The following PPP3CA variants were observed in gnomAD, a reference collection of about 807,000 sequenced individuals.
PPP3CA encodes protein phosphatase 3 catalytic subunit alpha.
PPP3CA carries 14 observed loss-of-function variants against 66.5 expected under a neutral mutation model. That is an observed-to-expected ratio of 0.21 (90% confidence interval 0.14 to 0.33). The LOEUF (loss-of-function observed/expected upper bound fraction) is 0.33, where lower values mean the gene tolerates loss of function less well. Among genes scored for constraint, PPP3CA ranks in the 10% least tolerant of loss-of-function variants. The pLI, the probability that PPP3CA is intolerant of heterozygous loss-of-function variation, is 1.00. For synonymous variants in PPP3CA, 232 were observed against 226.2 expected, an observed-to-expected ratio of 1.03 and a Z score of -0.23; for missense variants, 317 against 639.5, an observed-to-expected ratio of 0.50 and a Z score of 5.44.
intron 1 of PPP3CA, among the ~76,000 whole-genome samples, chr4:101,284,756 C>T (rs1727784478): frequency 6.6e-6 from 1 of 151,724 alleles, no homozygotes; most frequent in African/African-American, 2.4e-5. Flanking sequence ...GCACAGAAAA[C>T]ATTCTGTACT....
intron 1 of PPP3CA, among the ~76,000 whole-genome samples, chr4:101,307,973 A>G (rs1056680260): frequency 2.0e-5 from 3 of 152,238 alleles, no homozygotes; most frequent in Non-Finnish European, 4.4e-5. Context: ...GTTACCCGAA[A>G]TAATTAGTGA....
intron 1 of PPP3CA, among the ~76,000 whole-genome samples, chr4:101,344,391 CAAT>C (rs1276365779): frequency 6.6e-6 from 1 of 151,888 alleles, no homozygotes; most frequent in African/African-American, 2.4e-5. Context: ...CCTTTCATGC[CAAT>C]AATATTCTAC....
intron 1 of PPP3CA, among the ~76,000 whole-genome samples, chr4:101,200,019 T>C (rs1412284001): frequency 2.2e-5 from 3 of 136,974 alleles, no homozygotes; most frequent in Non-Finnish European, 3.0e-5. Flanking sequence ...CTCAGAAAGA[T>C]CCAGGGATCA....
chr4:101,198,705 C>T (rs1724877313), intron 1 of PPP3CA, among the ~76,000 whole-genome samples: 2 of 152,212 alleles, frequency 1.3e-5, no homozygotes, highest in Non-Finnish European at 2.9e-5. Flanking sequence ...CCAGGGAGTG[C>T]CTCACCTTCA....
At chr4:101,117,088 A>T (rs1485175944) in intron 2 of PPP3CA, among the ~76,000 whole-genome samples, 1 of 151,916 alleles carries the variant, frequency 6.6e-6, no homozygotes, top group Non-Finnish European at 1.5e-5. Flanking sequence ...ACATTTCTTT[A>T]TATTTATGAT....
intron 2 of PPP3CA, among the ~76,000 whole-genome samples, chr4:101,144,444 G>C: frequency 6.6e-6 from 1 of 151,716 alleles, no homozygotes; most frequent in Non-Finnish European, 1.5e-5. Flanking sequence ...TGAATGCCTA[G>C]AATGCTCTTT....
intron 2 of PPP3CA, among the ~76,000 whole-genome samples, chr4:101,119,618 G>A (rs746975589): frequency 3.9e-5 from 6 of 152,014 alleles, no homozygotes; most frequent in Non-Finnish European, 7.4e-5. Context: ...CCTCTTCCTT[G>A]TCATGATAGT....
intron 1 of PPP3CA, among the ~76,000 whole-genome samples, chr4:101,259,186 C>T (rs1233350596): frequency 2.0e-5 from 3 of 152,180 alleles, no homozygotes; most frequent in Non-Finnish European, 4.4e-5. Flanking sequence ...CACATACCAA[C>T]GGTTTCCTCT....
intron 1 of PPP3CA, among the ~76,000 whole-genome samples, chr4:101,292,281 G>C (rs1407731643): frequency 6.6e-6 from 1 of 151,992 alleles, no homozygotes; most frequent in Non-Finnish European, 1.5e-5. Context: ...TTAAAATATG[G>C]GTGTTTTGTA....
chr4:101,067,787 C>T (rs1220690873), intron 8 of PPP3CA, among the ~76,000 whole-genome samples: 2 of 149,508 alleles, frequency 1.3e-5, no homozygotes, highest in Non-Finnish European at 3.0e-5. Context: ...GCACGTTGTG[C>T]ACATGTACCC....
chr4:101,151,807 C>G (rs1479251886), intron 2 of PPP3CA, among the ~76,000 whole-genome samples: 6 of 151,344 alleles, frequency 4.0e-5, no homozygotes, highest in African/African-American at 1.5e-4. Flanking sequence ...CAGGAGCATG[C>G]CACCACACCC....
chr4:101,162,399 C>T (rs1243175903), intron 2 of PPP3CA, among the ~76,000 whole-genome samples: 5 of 151,614 alleles, frequency 3.3e-5, no homozygotes, highest in East Asian at 3.9e-4. Flanking sequence ...GGTGTGGTGG[C>T]GGGTGCTGGT....
chr4:101,076,234 T>C (rs1277372347), intron 8 of PPP3CA, among the ~76,000 whole-genome samples: 3 of 151,928 alleles, frequency 2.0e-5, no homozygotes, highest in Non-Finnish European at 4.4e-5. Flanking sequence ...ATAGGAGTGA[T>C]TTAAAGTGAG....
chr4:101,061,084 T>C lies in PPP3CA; in HGVS notation c.1156+3A>G, dbSNP rs899421037. 1.2e-5 allele frequency: 20 copies of C among 1,609,184 alleles called. No homozygotes were observed. The Admixed American group carries it at 2.5e-4, about 20-fold the overall frequency. On this transcript the variant is annotated splice_donor_region_variant and intron_variant, in intron 10 of 13. Transcript: ENST00000394854. Reference sequence around the variant, plus strand: ...CATTAGCACAAAGGCTCAAGCCTCTTACCATCAAATCCATCTTCTTCTGAC... The same window carrying C: ...CATTAGCACAAAGGCTCAAGCCTCTCACCATCAAATCCATCTTCTTCTGAC...
At chr4:101,072,742 A>G (rs1728970035) in intron 8 of PPP3CA, among the ~76,000 whole-genome samples, 1 of 151,900 alleles carries the variant, frequency 6.6e-6, no homozygotes, top group Non-Finnish European at 1.5e-5. Context: ...TTTAAAAAAT[A>G]TGGCTAACAT....
intron 7 of PPP3CA, among the ~76,000 whole-genome samples, chr4:101,081,336 C>T (rs561031726): frequency 1.3e-5 from 2 of 152,032 alleles, no homozygotes; most frequent in East Asian, 1.9e-4. Context: ...CTGGTGTCTA[C>T]AGGTCAAAGA....
At chr4:101,126,315 A>ATGTT (rs1722245227) in intron 2 of PPP3CA, among the ~76,000 whole-genome samples, 1 of 152,220 alleles carries the variant, frequency 6.6e-6, no homozygotes, top group Non-Finnish European at 1.5e-5. Flanking sequence ...AAAACTGGAA[A>ATGTT]TGAAACAACT....
chr4:101,033,292 AAACACACACACACACACACAC>A (rs1727088521), intron 11 of PPP3CA, among the ~76,000 whole-genome samples: 6 of 88,100 alleles, frequency 6.8e-5, no homozygotes, highest in Admixed American at 2.6e-4. Flanking sequence ...ACACACACAC[AAACACACACACACACACACAC>A]ACACACACAC....
chr4:101,280,694 C>T (rs1436943919), intron 1 of PPP3CA, among the ~76,000 whole-genome samples: 1 of 151,900 alleles, frequency 6.6e-6, no homozygotes, highest in African/African-American at 2.4e-5. Flanking sequence ...GTGGCATGCA[C>T]CTGCAGTTCC....
Sources: gnomAD v4.1 joint callset for allele counts (sites outside exome capture counted in the v4.1 genomes callset) on GRCh38, gnomAD v4.1.1 for gene constraint, MANE v1.5 for transcripts, NCBI Gene and HGNC (gene_info 2026-07-23, HGNC 2026-07-21) for gene names.